GMDS: variants seen among roughly 807,000 people sequenced by gnomAD.
GMDS encodes the protein GDP-mannose 4,6 dehydratase.
Under a neutral mutation model 49.9 loss-of-function variants are expected in GMDS, and 20 were observed. The ratio of observed to expected loss-of-function variants is 0.40; its 90% CI spans 0.28 to 0.58. The LOEUF (loss-of-function observed/expected upper bound fraction) is 0.58. GMDS is among the 20% of genes least tolerant of loss of function. The pLI, the probability that GMDS is intolerant of heterozygous loss-of-function variation, is 0.42. For synonymous variants in GMDS, 177 were observed against 178.6 expected, an observed-to-expected ratio of 0.99 and a Z score of 0.07; for missense variants, 362 against 481.4, an observed-to-expected ratio of 0.75 and a Z score of 2.32.
chr6:2,216,513 G>A (rs753386710), intron 1 of GMDS, among the ~76,000 whole-genome samples: 10 of 152,204 alleles, frequency 6.6e-5, no homozygotes, highest in Non-Finnish European at 1.0e-4. Flanking sequence ...GAGCACGTGT[G>A]CACATGGGTA....
At chr6:1,886,784 T>C (rs1161944252) in intron 7 of GMDS, among the ~76,000 whole-genome samples, 1 of 152,244 alleles carries the variant, frequency 6.6e-6, no homozygotes, top group Non-Finnish European at 1.5e-5. Flanking sequence ...AAACTTTTTT[T>C]CCAGCAGCTC....
At chr6:1,783,043 T>G (rs952272658) in intron 7 of GMDS, among the ~76,000 whole-genome samples, 9 of 151,972 alleles carry the variant, frequency 5.9e-5, no homozygotes, top group Non-Finnish European at 1.0e-4. Context: ...TGGTCCCAGC[T>G]ACTCTGGAAG....
rs1322683155 is a variant in GMDS, at chr6:1,859,402, G to GA, written c.771+70700dup. 3.9e-5 allele frequency among the ~76,000 whole-genome samples: 6 copies of GA among 152,172 alleles called. No individual in the cohort carries two copies. In the East Asian group the frequency reaches 1.2e-3, roughly 29 times the overall value. ...GGAGCTAGGCTGTAGTTTGTTGGAT[G>GA]AAAAAAAGTAATACAAGAAATTCAT... On this transcript the variant is annotated intron_variant, in intron 7 of 10. Transcript: ENST00000380815.
intron 1 of GMDS, among the ~76,000 whole-genome samples, chr6:2,155,191 G>A (rs1176197713): frequency 1.3e-5 from 2 of 152,086 alleles, no homozygotes; most frequent in Non-Finnish European, 2.9e-5. Flanking sequence ...ATAATGCAAA[G>A]ATATCAAATC....
At chr6:1,703,233 T>TTC (rs1468433234) in intron 9 of GMDS, among the ~76,000 whole-genome samples, 1 of 152,106 alleles carries the variant, frequency 6.6e-6, no homozygotes, top group African/African-American at 2.4e-5. Context: ...GCTCACTTTG[T>TTC]TCTCTCTCTC....
chr6:1,763,043 A>G (rs904347496), intron 7 of GMDS, among the ~76,000 whole-genome samples: 1 of 152,218 alleles, frequency 6.6e-6, no homozygotes, highest in African/African-American at 2.4e-5. Flanking sequence ...ATGAGCTGGT[A>G]AATACATGTG....
intron 7 of GMDS, among the ~76,000 whole-genome samples, chr6:1,764,919 T>C (rs1344385663): frequency 6.6e-6 from 1 of 152,204 alleles, no homozygotes; most frequent in East Asian, 1.9e-4. Context: ...ATTTGTATTA[T>C]ATAGGTAGAT....
intron 1 of GMDS, among the ~76,000 whole-genome samples, chr6:2,165,765 A>G (rs1777633042): frequency 6.6e-6 from 1 of 152,258 alleles, no homozygotes; most frequent in Non-Finnish European, 1.5e-5. Flanking sequence ...ACTTTAAAAT[A>G]TATAGAGTTG....
chr6:2,105,227 A>G (rs1474808670), intron 4 of GMDS, among the ~76,000 whole-genome samples: 1 of 151,546 alleles, frequency 6.6e-6, no homozygotes, highest in African/African-American at 2.4e-5. Flanking sequence ...AAACCAAAAC[A>G]CTTTCCTAAT....
chr6:1,738,668 A>C (rs566279737), intron 8 of GMDS, among the ~76,000 whole-genome samples: 1 of 145,496 alleles, frequency 6.9e-6, no homozygotes, highest in East Asian at 2.0e-4. Flanking sequence ...TAGAACTCTG[A>C]GCTAGCAGAA....
chr6:1,793,124 T>C (rs1317266606), intron 7 of GMDS, among the ~76,000 whole-genome samples: 1 of 152,212 alleles, frequency 6.6e-6, no homozygotes, highest in East Asian at 1.9e-4. Flanking sequence ...TAGTGATCTC[T>C]TCTAGTTTCA....
intron 1 of GMDS, among the ~76,000 whole-genome samples, chr6:2,144,794 A>T (rs1230283207): frequency 6.6e-6 from 1 of 152,230 alleles, no homozygotes; most frequent in African/African-American, 2.4e-5. Context: ...GCCTTCAGCA[A>T]CTGTGCCTGC....
At chr6:1,730,171 G>C (rs1220927177) in intron 8 of GMDS, among the ~76,000 whole-genome samples, 1 of 152,240 alleles carries the variant, frequency 6.6e-6, no homozygotes, top group Non-Finnish European at 1.5e-5. Context: ...CTAAAATTTA[G>C]TCAGTGCCAT....
intron 1 of GMDS, among the ~76,000 whole-genome samples, chr6:2,185,215 G>A (rs551050209): frequency 5.7e-4 from 87 of 152,232 alleles, no homozygotes; most frequent in Non-Finnish European, 8.5e-4. Context: ...TGAAAGCTGG[G>A]ATACAATTAC....
At chr6:2,176,537 G>C (rs1778292852) in intron 1 of GMDS, among the ~76,000 whole-genome samples, 1 of 152,132 alleles carries the variant, frequency 6.6e-6, no homozygotes, top group African/African-American at 2.4e-5. Context: ...AAACCAGGAA[G>C]GAAGCAGAGC....
In GMDS at chr6:1,910,259, TTA is replaced by T. The variant is rs1491341109; in HGVS notation, c.771+19842_771+19843del. Among the ~76,000 whole-genome samples, 1,123 of 131,096 alleles carry T rather than the reference TTA, an allele frequency of 8.6e-3. 22 individuals are homozygous for T. Among genetic ancestry groups the T allele is most frequent in the African/African-American group, 0.031 (1,002 of 32,520 alleles). The allele number at this position is 131,096 out of a possible 152,430, so 86.0% of individuals were successfully genotyped here. A position where few individuals can be genotyped will look rare whatever the true frequency, so the allele number is the denominator to read the frequency against. ...TATAGTATTTTTTGTCCTGGTATGT[TTA>T]AAAAAAAAAAAAGATGTTAGCTTAG... On this transcript the variant is annotated intron_variant, in intron 7 of 10. Coordinates refer to ENST00000380815, the MANE Select transcript of GMDS (RefSeq NM_001500.4).
chr6:1,812,939 T>A (rs1770499826), intron 7 of GMDS, among the ~76,000 whole-genome samples: 2 of 152,150 alleles, frequency 1.3e-5, no homozygotes, highest in Admixed American at 1.3e-4. Context: ...AATAAGTTAT[T>A]AAGCCAAGCA....
intron 4 of GMDS, among the ~76,000 whole-genome samples, chr6:2,079,126 T>C (rs796869045): frequency 1.3e-4 from 20 of 148,942 alleles, no homozygotes; most frequent in African/African-American, 4.9e-4. Context: ...TCGTGTGGAG[T>C]AATTTTTTCC....
intron 7 of GMDS, among the ~76,000 whole-genome samples, chr6:1,860,691 G>A (rs3823278): frequency 2.2e-3 from 340 of 152,330 alleles, no homozygotes; most frequent in East Asian, 5.8e-3. Context: ...AAAAAAGGAC[G>A]AGAAGAGTCT....
Sources: gnomAD v4.1 joint callset for allele counts (sites outside exome capture counted in the v4.1 genomes callset) on GRCh38, gnomAD v4.1.1 for gene constraint, MANE v1.5 for transcripts, NCBI Gene and HGNC (gene_info 2026-07-23, HGNC 2026-07-21) for gene names.